Variants in ITCH observed in about 807,000 individuals in gnomAD.
ITCH encodes E3 ubiquitin-protein ligase Itchy homolog.
ITCH carries 28 observed loss-of-function variants against 126.8 expected under a neutral mutation model. The observed-to-expected ratio is 0.22, with a 90% CI of 0.16 to 0.30. The LOEUF is 0.30. Among genes scored for constraint, ITCH ranks in the 10% least tolerant of loss-of-function variants. The probability of loss-of-function intolerance (pLI) is 1.00; values close to 1 mark genes in which losing one functional copy is unlikely to be tolerated. For missense variants in ITCH, 631 were observed against 1,032.4 expected (o/e 0.61, Z 5.33); for synonymous variants, 342 against 340.0 (o/e 1.01, Z -0.06).
intron 6 of ITCH, among the ~76,000 whole-genome samples, chr20:34,420,088 A>T (rs1980553864): frequency 6.6e-6 from 1 of 152,136 alleles, no homozygotes; most frequent in African/African-American, 2.4e-5. Context: ...TGCTATTAGG[A>T]TATTTAAAAC....
In ITCH at chr20:34,445,313, G is replaced by A; in HGVS notation, c.992G>A (p.Gly331Glu). The A allele has an allele frequency of 1.2e-6, 2 of 1,612,160 alleles. No individual in the cohort carries two copies. Among genetic ancestry groups the A allele is most frequent in the Non-Finnish European group, 1.7e-6 (2 of 1,179,468 alleles). The change falls in exon 11 of 25, where the codon GGA becomes GAA. Residue 331 changes from glycine to glutamate, a missense_variant. Gly to Glu is a moderately conservative substitution (Grantham distance 98, BLOSUM62 -2). This residue lies in a region of ITCH where 390 missense variants were observed against 731.6 expected (regional missense o/e 0.53). Transcript: ENST00000374864. ...TGGGAACGGCGGGTTGACAACATGG[G>A]ACGTATTTATTATGTTGACCATTTC... ...PGWERRVDNM[G>E]RIYYVDHFTR... is the part of the protein sequence containing the mutation.
At chr20:34,500,139 G>T (rs1990158857) in intron 23 of ITCH, among the ~76,000 whole-genome samples, 1 of 152,194 alleles carries the variant, frequency 6.6e-6, no homozygotes, top group African/African-American at 2.4e-5. Flanking sequence ...CTGATGACAA[G>T]AATGTGTATT....
At chr20:34,471,010 ATTTC>A (rs1197961406) in intron 15 of ITCH, among the ~76,000 whole-genome samples, 1 of 152,144 alleles carries the variant, frequency 6.6e-6, no homozygotes, top group Admixed American at 6.5e-5. Flanking sequence ...GTGATCAACT[ATTTC>A]TTATGTATAG....
At chr20:34,394,725 C>T (rs1277691832) in intron 3 of ITCH, among the ~76,000 whole-genome samples, 1 of 152,108 alleles carries the variant, frequency 6.6e-6, no homozygotes, top group African/African-American at 2.4e-5. Flanking sequence ...AATGATTACC[C>T]CATCATGCAA....
At chr20:34,408,248 A>AT (rs1299919659) in intron 3 of ITCH, among the ~76,000 whole-genome samples, 1 of 151,860 alleles carries the variant, frequency 6.6e-6, no homozygotes, top group Non-Finnish European at 1.5e-5. Flanking sequence ...AATTTTTTTG[A>AT]TTTTTAGGCG....
At chr20:34,401,030 A>T (rs1375776228) in intron 3 of ITCH, among the ~76,000 whole-genome samples, 1 of 152,122 alleles carries the variant, frequency 6.6e-6, no homozygotes, top group Non-Finnish European at 1.5e-5. Context: ...AAGTTCTCGA[A>T]TTACAGGCGT....
intron 24 of ITCH, among the ~76,000 whole-genome samples, chr20:34,505,418 C>T (rs955493998): frequency 6.6e-6 from 1 of 152,138 alleles, no homozygotes; most frequent in Admixed American, 6.5e-5. Flanking sequence ...TTTTCACCCT[C>T]CCAAAAATCC....
At chr20:34,399,734 G>A (rs1328256662) in intron 3 of ITCH, among the ~76,000 whole-genome samples, 1 of 151,882 alleles carries the variant, frequency 6.6e-6, no homozygotes, top group South Asian at 2.1e-4. Context: ...CCAGCTACTC[G>A]GGAGGCTGAG....
At chr20:34,422,139 T>C (rs901022332) in intron 6 of ITCH, among the ~76,000 whole-genome samples, 5 of 152,322 alleles carry the variant, frequency 3.3e-5, no homozygotes, top group Middle Eastern at 6.8e-3. Flanking sequence ...GCTAAATGTT[T>C]ACATGTTTAA....
At chr20:34,389,443 A>G (rs1334377650) in intron 2 of ITCH, among the ~76,000 whole-genome samples, 2 of 152,186 alleles carry the variant, frequency 1.3e-5, no homozygotes, top group African/African-American at 4.8e-5. Flanking sequence ...TGTGTGAGTA[A>G]CAATGCAGTA....
chr20:34,378,659 C>T (rs1229939033), intron 2 of ITCH, among the ~76,000 whole-genome samples: 1 of 151,970 alleles, frequency 6.6e-6, no homozygotes, highest in Non-Finnish European at 1.5e-5. Context: ...ATGAAAAAGG[C>T]ACTTTCCTTT....
At chr20:34,413,636 TTA>T (rs1979377910) in intron 5 of ITCH, 104 bp from the exon 6 acceptor site, 1 of 1,021,176 alleles carries the variant, frequency 9.8e-7, no homozygotes, top group Non-Finnish European at 1.4e-6. Context: ...GCACATATAG[TTA>T]TATTTTCTCG....
Position 34,402,140 on chromosome 20 carries a change from A to G in ITCH, c.71-6511A>G. 7 of 1,033,510 alleles carry G rather than the reference A, an allele frequency of 6.8e-6. No homozygotes were observed. The Admixed American group carries it at 1.2e-4, about 18-fold the overall frequency. 64.0% of individuals were successfully genotyped at this position (1,033,510 alleles called of 1,614,324 possible). A position where few individuals can be genotyped will look rare whatever the true frequency, so the allele number is the denominator to read the frequency against. ...CAGCTATGCAGAAAGGGCTCTGGAG[A>G]GATGTTCCTAGCAGCACACATATGC... On this transcript the variant is annotated intron_variant, in intron 3 of 24. Coordinates refer to ENST00000374864, the MANE Select transcript of ITCH (RefSeq NM_031483.7).
At chr20:34,456,737 G>C (rs892137178) in intron 12 of ITCH, among the ~76,000 whole-genome samples, 2 of 149,544 alleles carry the variant, frequency 1.3e-5, no homozygotes, top group Non-Finnish European at 3.0e-5. Flanking sequence ...CTGCCAGCAC[G>C]GCCCACTAAT....
chr20:34,445,144 C>G, intron 10 of ITCH, 143 bp from the exon 11 acceptor site: 2 of 929,162 alleles, frequency 2.2e-6, no homozygotes, highest in East Asian at 2.6e-5. Context: ...AGAAACATTT[C>G]TCTTAAGTTC....
At chr20:34,453,225 T>C (rs893056919) in intron 12 of ITCH, among the ~76,000 whole-genome samples, 2 of 152,234 alleles carry the variant, frequency 1.3e-5, no homozygotes, top group African/African-American at 4.8e-5. Context: ...ACTTAGAATA[T>C]ATATGAGAAA....
At chr20:34,500,721 T>C (rs1569009101) in intron 23 of ITCH, among the ~76,000 whole-genome samples, 1 of 152,350 alleles carries the variant, frequency 6.6e-6, no homozygotes, top group Middle Eastern at 3.4e-3. Context: ...AAAATTACTT[T>C]CTGGTTGCTT....
chr20:34,378,501 A>G (rs1329742434), intron 2 of ITCH, among the ~76,000 whole-genome samples: 3 of 142,580 alleles, frequency 2.1e-5, no homozygotes, highest in African/African-American at 7.5e-5. Flanking sequence ...AAAAGATGTA[A>G]AAAAAAAAAA....
At chr20:34,376,484 G>A (rs1166982120) in intron 2 of ITCH, among the ~76,000 whole-genome samples, 1 of 151,130 alleles carries the variant, frequency 6.6e-6, no homozygotes. Context: ...AAATAAAACA[G>A]TTCAAACAAT....
Sources: gnomAD v4.1 joint callset for allele counts (sites outside exome capture counted in the v4.1 genomes callset) on GRCh38, gnomAD v4.1.1 for gene constraint, gnomAD v4.1.1 regional missense constraint, MANE v1.5 for transcripts, NCBI Gene and HGNC (gene_info 2026-07-23, HGNC 2026-07-21) for gene names.